AIG1: variants seen among roughly 807,000 people sequenced by gnomAD.
The protein encoded by AIG1 is androgen induced 1.
A neutral mutation model predicts 31.4 loss-of-function variants in AIG1; 23 were observed. The observed-to-expected ratio is 0.73, with a 90% confidence interval of 0.53 to 1.04. AIG1 has a LOEUF of 1.04. Among genes scored for constraint, AIG1 ranks in the 50% least tolerant of loss-of-function variants. AIG1 has a pLI of 0.00. For missense variants in AIG1, 274 were observed against 295.0 expected (o/e 0.93, Z 0.52); for synonymous variants, 100 against 110.5 (o/e 0.90, Z 0.60).
chr6:143,128,726 A>G (rs1360434997), intron 1 of AIG1, among the ~76,000 whole-genome samples: 1 of 152,246 alleles, frequency 6.6e-6, no homozygotes, highest in Non-Finnish European at 1.5e-5. Context: ...TAGGCAACAG[A>G]AAAACACACA....
At chr6:143,343,348 C>A, downstream of AIG1, 1 of 591,164 alleles carries the variant, frequency 1.7e-6, no homozygotes, top group Non-Finnish European at 3.3e-6. Flanking sequence ...GAAATGAGGA[C>A]TAATGCCCCC....
chr6:143,231,024 T>C (rs930387526), intron 3 of AIG1, among the ~76,000 whole-genome samples: 165 of 152,372 alleles, frequency 1.1e-3, no homozygotes, highest in African/African-American at 3.8e-3. Flanking sequence ...TGGCTTTAGT[T>C]TCCTCATCTA....
intron 1 of AIG1, among the ~76,000 whole-genome samples, chr6:143,076,830 C>A (rs542857979): frequency 1.3e-5 from 2 of 152,156 alleles, no homozygotes; most frequent in South Asian, 4.2e-4. Context: ...TACCACCACG[C>A]CCGGCTAATT....
At chr6:143,244,453 C>A (rs1240084701) in intron 3 of AIG1, among the ~76,000 whole-genome samples, 1 of 152,192 alleles carries the variant, frequency 6.6e-6, no homozygotes, top group Non-Finnish European at 1.5e-5. Context: ...GGTATGTAAA[C>A]CCCTTGGGGG....
chr6:143,097,561 A>G (rs530242915), intron 1 of AIG1, among the ~76,000 whole-genome samples: 2 of 152,198 alleles, frequency 1.3e-5, no homozygotes, highest in Non-Finnish European at 1.5e-5. Flanking sequence ...CAAATATCCA[A>G]TGAGCGCTCC....
intron 1 of AIG1, among the ~76,000 whole-genome samples, chr6:143,111,739 G>T (rs6906865): frequency 0.11 from 17,193 of 152,188 alleles, 3,074 homozygotes; most frequent in African/African-American, 0.38. Context: ...CTTGGTGAAT[G>T]CCACCCTTTC....
At chr6:143,064,419 CA>C (rs1296445006) in intron 1 of AIG1, among the ~76,000 whole-genome samples, 1 of 151,770 alleles carries the variant, frequency 6.6e-6, no homozygotes, top group Admixed American at 6.6e-5. Context: ...CTGGAGAGGA[CA>C]AAAAAATGGT....
intron 1 of AIG1, among the ~76,000 whole-genome samples, chr6:143,062,444 ACT>A (rs1776340384): frequency 6.6e-6 from 1 of 152,048 alleles, no homozygotes; most frequent in Non-Finnish European, 1.5e-5. Context: ...CCGTGACAAG[ACT>A]CTGAGGTGTG....
At chr6:143,257,199 C>T (rs927741293) in intron 3 of AIG1, among the ~76,000 whole-genome samples, 3 of 152,202 alleles carry the variant, frequency 2.0e-5, no homozygotes, top group Admixed American at 2.0e-4. Context: ...TTTCATGGAG[C>T]ACTCCAAGAT....
intron 3 of AIG1, among the ~76,000 whole-genome samples, chr6:143,281,533 TC>T (rs1797340352): frequency 6.6e-6 from 1 of 152,168 alleles, no homozygotes; most frequent in Non-Finnish European, 1.5e-5. Context: ...AATAATTATC[TC>T]TCTTGCTGCT....
intron 1 of AIG1, among the ~76,000 whole-genome samples, chr6:143,129,933 CT>C (rs917523183): frequency 0.013 from 1,715 of 134,726 alleles, 15 homozygotes; most frequent in South Asian, 0.032. Flanking sequence ...TAAATAGACA[CT>C]TTTTTTTTTT....
chr6:143,264,197 A>G (rs556873837), intron 3 of AIG1, among the ~76,000 whole-genome samples: 2 of 152,276 alleles, frequency 1.3e-5, no homozygotes, highest in East Asian at 1.9e-4. Flanking sequence ...GCCTTTATTC[A>G]TTAATTTTTT....
chr6:143,187,277 T>TA, intron 3 of AIG1: 1 of 901,586 alleles, frequency 1.1e-6, no homozygotes, highest in East Asian at 2.6e-5. Context: ...GATCTTGGCT[T>TA]AAACTGAGAA....
At position 143,299,571 on chromosome 6, in the gene AIG1, A is replaced by G. The variant is rs149268748; in HGVS notation, c.515+15346A>G. The G allele has an allele frequency of 4.0e-4, 61 of 152,342 alleles. No individual in the cohort carries two copies. The highest frequency in any genetic ancestry group is 1.4e-3 in the African/African-American group (58 of 41,578). The allele number at this position is 152,342 out of a possible 1,614,324, so 9.4% of individuals were successfully genotyped here. ...TGGCTAAAGATGGAAGTTTGAAGTT[A>G]TGAAATACCCATATGCTTAAAGAGA... is the stretch of plus-strand genomic sequence containing the variant. On this transcript the variant is annotated intron_variant, in intron 4 of 5. Coordinates refer to ENST00000357847, the MANE Select transcript of AIG1 (RefSeq NM_016108.4). The surrounding 1 kb of genome is among the most constrained non-coding windows in gnomAD (Gnocchi z 4.1).
chr6:143,242,149 G>GC (rs1443539203), intron 3 of AIG1, among the ~76,000 whole-genome samples: 1 of 152,136 alleles, frequency 6.6e-6, no homozygotes, highest in African/African-American at 2.4e-5. Flanking sequence ...ACGAGCAATA[G>GC]CAATGTAAGG....
chr6:143,294,705 A>G (rs1051233451), intron 4 of AIG1, among the ~76,000 whole-genome samples: 11 of 151,946 alleles, frequency 7.2e-5, no homozygotes, highest in Admixed American at 5.9e-4. Context: ...TGCTCTGTAG[A>G]CCTCTTCTCA....
At chr6:143,337,142 G>A (rs1218535090) in intron 5 of AIG1, among the ~76,000 whole-genome samples, 1 of 152,166 alleles carries the variant, frequency 6.6e-6, no homozygotes, top group African/African-American at 2.4e-5. Flanking sequence ...AACCAAGGAG[G>A]AGCCAGTCGC....
At chr6:143,342,011 C>T (rs755526278), downstream of AIG1, among the ~76,000 whole-genome samples, 7 of 152,206 alleles carry the variant, frequency 4.6e-5, no homozygotes, top group Non-Finnish European at 8.8e-5. Context: ...CTGCAATCTC[C>T]GCCTCCCTGG....
chr6:143,341,160 C>T (rs1045694804), downstream of AIG1, among the ~76,000 whole-genome samples: 3 of 152,178 alleles, frequency 2.0e-5, no homozygotes, highest in Non-Finnish European at 4.4e-5. Context: ...CATCTAGCAG[C>T]ATTACCATAT....
Sources: allele counts gnomAD v4.1 joint callset (sites outside exome capture counted in the v4.1 genomes callset), GRCh38; gene constraint gnomAD v4.1.1; non-coding constraint Gnocchi (gnomAD v3.1); transcripts MANE v1.5; gene names NCBI Gene and HGNC (gene_info 2026-07-23, HGNC 2026-07-21).